Variants in AP4E1 observed in about 807,000 individuals in gnomAD.
The protein encoded by AP4E1 is AP-4 complex subunit epsilon-1.
A neutral mutation model predicts 128.2 loss-of-function variants in AP4E1; 56 were observed. The ratio of observed to expected loss-of-function variants is 0.44; its 90% confidence interval spans 0.35 to 0.55. The LOEUF is 0.55. AP4E1 is among the 20% of genes least tolerant of loss of function. The pLI, the probability that AP4E1 is intolerant of heterozygous loss-of-function variation, is 0.00. For missense variants in AP4E1, 1,324 were observed against 1,307.7 expected (o/e 1.01, Z -0.19); for synonymous variants, 484 against 473.1 (o/e 1.02, Z -0.30).
intron 14 of AP4E1, among the ~76,000 whole-genome samples, chr15:50,960,309 C>A (rs190017625): frequency 6.6e-6 from 1 of 152,236 alleles, no homozygotes; most frequent in East Asian, 1.9e-4. Flanking sequence ...TATTCAACAG[C>A]TGCAGAATAC....
At chr15:50,945,289 T>A in intron 10 of AP4E1, 1 of 782,190 alleles carries the variant, frequency 1.3e-6, no homozygotes, top group South Asian at 1.3e-5. Context: ...ATCGAGACAT[T>A]TCTCTTGGGA....
At chr15:50,958,437 A>T (rs1567236450) in intron 13 of AP4E1, 55 bp from the exon 14 acceptor site, 2 of 1,445,662 alleles carry the variant, frequency 1.4e-6, no homozygotes, top group East Asian at 2.3e-5. Flanking sequence ...ATTTTAGTAT[A>T]GTCTACTGTA....
In AP4E1 at chr15:50,983,911, T is replaced by A. The variant is rs376137320; in HGVS notation, c.1967-111T>A. On this transcript the variant is annotated intron_variant, in intron 15 of 20. Coordinates refer to ENST00000261842, the MANE Select transcript of AP4E1 (RefSeq NM_007347.5). Reference sequence around the variant, plus strand: ...ATCATCCTCAAAGTCCTTTAGAGTTTAAAAATGGCTATTAGTTCCAGGCTT... The same window carrying A: ...ATCATCCTCAAAGTCCTTTAGAGTTAAAAAATGGCTATTAGTTCCAGGCTT... 4.0e-3 allele frequency: 4,321 copies of A among 1,082,986 alleles called. 165 individuals carry two copies. The South Asian group carries it at 0.055, about 14-fold the overall frequency. 67.1% of individuals were successfully genotyped at this position (1,082,986 alleles called of 1,614,324 possible).
At chr15:50,984,480 C>T (rs1232987773) in intron 16 of AP4E1, among the ~76,000 whole-genome samples, 1 of 135,296 alleles carries the variant, frequency 7.4e-6, no homozygotes, top group Non-Finnish European at 1.6e-5. Context: ...ACAACAGGCC[C>T]TGGTGTGTGA....
At chr15:50,909,630 G>C (rs2141122107) in intron 1 of AP4E1, among the ~76,000 whole-genome samples, 1 of 152,326 alleles carries the variant, frequency 6.6e-6, no homozygotes, top group East Asian at 1.9e-4. Context: ...GCCCAGGCTG[G>C]AGTGCAATGG....
rs184026916 is a variant in AP4E1, at chr15:50,939,195, G to A, written c.944-2247G>A. Reference sequence around the variant, plus strand: ...AGTTTAGAAACCCTCAGTTGTGGCCGGGCAAGGTGGCTCATGCCTGTAATC... The same window carrying A: ...AGTTTAGAAACCCTCAGTTGTGGCCAGGCAAGGTGGCTCATGCCTGTAATC... On this transcript the variant is annotated intron_variant, in intron 8 of 20. Coordinates refer to ENST00000261842, the MANE Select transcript of AP4E1 (RefSeq NM_007347.5). Among the ~76,000 whole-genome samples, 471 of 152,190 alleles carry A rather than the reference G, an allele frequency of 3.1e-3. 3 individuals are homozygous for A. In the Middle Eastern group the frequency reaches 0.041, roughly 13 times the overall value.
chr15:50,995,185 C>T (rs1428930911), intron 17 of AP4E1, among the ~76,000 whole-genome samples: 3 of 152,134 alleles, frequency 2.0e-5, no homozygotes, highest in African/African-American at 4.8e-5. Context: ...TGTCATGCCT[C>T]ATTTTGGATG....
rs2063622693 is a variant in AP4E1 at position 50,915,746 on chromosome 15, T to C, written c.346+175T>C. On this transcript the variant is annotated intron_variant, in intron 3 of 20. Transcript: ENST00000261842. ...AAAGCCATTTATAGGAAATCAGTTT[T>C]CCTGATGCATAGCATTTTGGAGTTA... 1.6e-5 allele frequency: 12 copies of C among 742,586 alleles called. No individual in the cohort carries two copies. The East Asian group carries it at 3.4e-4, about 21-fold the overall frequency. The allele number at this position is 742,586 out of a possible 1,614,324, so 46.0% of individuals were successfully genotyped here.
Position 50,958,741 on chromosome 15 carries a change from G to A in AP4E1, c.1798G>A (p.Val600Met). ...TGAATTAAAACATTTGCATGAGAAT[G>A]TGGAACTTATGAAGAGCTTGCTTCC... The part of the protein sequence containing the change: ...AFELKHLHEN[V>M]ELMKSLLPVD... The change falls in exon 14 of 21, where the codon GTG becomes ATG. Residue 600 changes from valine to methionine, a missense_variant. By Grantham distance (21) the Val-to-Met change is conservative. Transcript: ENST00000261842. The A allele has an allele frequency of 6.2e-7, 1 of 1,614,154 alleles. No individual in the cohort carries two copies. The highest frequency in any genetic ancestry group is 8.5e-7 in the Non-Finnish European group (1 of 1,180,010).
At chr15:50,947,494 T>G (rs75373532) in intron 10 of AP4E1, among the ~76,000 whole-genome samples, 1,686 of 152,166 alleles carry the variant, frequency 0.011, 29 homozygotes, top group African/African-American at 0.039. Flanking sequence ...TTTGAAGCAT[T>G]TGAGCCACCA....
At position 50,985,543 on chromosome 15, in the gene AP4E1, C is replaced by T. The variant is rs1302905780; in HGVS notation, c.2090+1398C>T. Among the ~76,000 whole-genome samples the T allele has an allele frequency of 8.9e-4, 136 of 152,244 alleles. 1 individual carries two copies. The highest frequency in any genetic ancestry group is 1.5e-3 in the Non-Finnish European group (100 of 68,014). ...TTTCTACATGTGGCTAGCCAGTTTT[C>T]CCAGCACCATTTATTAAATAGGGAA... On this transcript the variant is annotated intron_variant, in intron 16 of 20. Coordinates refer to ENST00000261842, the MANE Select transcript of AP4E1 (RefSeq NM_007347.5).
At chr15:50,934,393 G>A (rs146825935) in intron 7 of AP4E1, 128 of 381,252 alleles carry the variant, frequency 3.4e-4, no homozygotes, top group Admixed American at 4.5e-4. Context: ...GGAAAGAGTT[G>A]ATTGACATAT....
chr15:50,910,230 A>T (rs968050427), intron 1 of AP4E1, among the ~76,000 whole-genome samples: 6 of 152,074 alleles, frequency 3.9e-5, no homozygotes, highest in Non-Finnish European at 8.8e-5. Context: ...GTGTTCGCTC[A>T]CTTCGGCCTC....
At chr15:50,973,509 A>C (rs2064511297) in intron 15 of AP4E1, among the ~76,000 whole-genome samples, 1 of 152,222 alleles carries the variant, frequency 6.6e-6, no homozygotes, top group South Asian at 2.1e-4. Flanking sequence ...GTTGTACAGC[A>C]GATCTCTAGC....
chr15:50,949,412 C>CAAA (rs55857377), intron 11 of AP4E1, among the ~76,000 whole-genome samples: 16 of 70,424 alleles, frequency 2.3e-4, no homozygotes, highest in African/African-American at 6.2e-4. Flanking sequence ...GATTCTGCCT[C>CAAA]AAAAAAAAAA....
intron 14 of AP4E1, among the ~76,000 whole-genome samples, chr15:50,960,376 CA>C: frequency 6.6e-6 from 1 of 152,154 alleles, no homozygotes; most frequent in East Asian, 1.9e-4. Context: ...TGTTAGGCCA[CA>C]AAAAAGTCTC....
At chr15:50,995,076 T>A (rs1203726787) in intron 17 of AP4E1, among the ~76,000 whole-genome samples, 3 of 152,134 alleles carry the variant, frequency 2.0e-5, no homozygotes, top group South Asian at 2.1e-4. Flanking sequence ...AACAATGACA[T>A]AAAATTAGCA....
At chr15:50,908,504 G>C (rs1162074265), upstream of AP4E1, 1 of 375,884 alleles carries the variant, frequency 2.7e-6, no homozygotes, top group Non-Finnish European at 4.7e-6. Context: ...CACGGTTCTG[G>C]GGGATTCCGG....
At chr15:50,977,719 T>TTTTTG (rs2140906986) in intron 15 of AP4E1, among the ~76,000 whole-genome samples, 1 of 147,624 alleles carries the variant, frequency 6.8e-6, no homozygotes, top group South Asian at 2.2e-4. Context: ...TTTTTTTTTT[T>TTTTTG]TTTTTTTAGA....
Sources: gnomAD v4.1 joint callset for allele counts (sites outside exome capture counted in the v4.1 genomes callset) on GRCh38, gnomAD v4.1.1 for gene constraint, MANE v1.5 for transcripts, NCBI Gene and HGNC (gene_info 2026-07-23, HGNC 2026-07-21) for gene names.